The following TRPC5 variants were observed in gnomAD, a reference collection of about 807,000 sequenced individuals.
The protein encoded by TRPC5 is transient receptor potential cation channel subfamily C member 5.
TRPC5 carries 9 observed loss-of-function variants against 56.5 expected under a neutral mutation model. The observed-to-expected ratio is 0.16, with a 90% confidence interval of 0.10 to 0.28. The LOEUF is 0.28. TRPC5 is among the 10% of genes least tolerant of loss of function. The pLI is 1.00. For synonymous variants in TRPC5, 282 were observed against 278.5 expected, an observed-to-expected ratio of 1.01 and a Z score of -0.13; for missense variants, 469 against 748.9, an observed-to-expected ratio of 0.63 and a Z score of 4.36.
At chrX:112,036,660 G>A (rs1482852237) in intron 1 of TRPC5, among the ~76,000 whole-genome samples, 1 of 111,787 alleles carries the variant, frequency 8.9e-6, no homozygotes, top group Non-Finnish European at 1.9e-5. Context: ...TTTTGACAAG[G>A]TTGTGACAGT....
chrX:111,805,061 G>C (rs1271608808), intron 7 of TRPC5, among the ~76,000 whole-genome samples: 1 of 111,856 alleles, frequency 8.9e-6, no homozygotes, highest in African/African-American at 3.3e-5. Flanking sequence ...TAGCATGAAG[G>C]GCTGTTGAAT....
chrX:112,050,279 CTT>C (rs1452004489), intron 1 of TRPC5, among the ~76,000 whole-genome samples: 2 of 112,878 alleles, frequency 1.8e-5, no homozygotes, highest in African/African-American at 6.4e-5. Flanking sequence ...TCTTGTAACA[CTT>C]GTTAACATAC....
intron 2 of TRPC5, among the ~76,000 whole-genome samples, chrX:111,943,108 A>G (rs1269683376): frequency 1.8e-5 from 2 of 111,620 alleles, no homozygotes; most frequent in Non-Finnish European, 3.8e-5. Flanking sequence ...CTGTAATACT[A>G]TGAAATAGAC....
At chrX:111,881,299 C>T (rs1924207118) in intron 3 of TRPC5, among the ~76,000 whole-genome samples, 1 of 110,496 alleles carries the variant, frequency 9.1e-6, no homozygotes, top group African/African-American at 3.3e-5. Context: ...GCCTCAGCTT[C>T]CCGAGTAGCT....
intron 2 of TRPC5, among the ~76,000 whole-genome samples, chrX:111,950,135 T>C (rs759368920): frequency 6.3e-4 from 70 of 111,104 alleles, no homozygotes; most frequent in Non-Finnish European, 8.3e-4. Context: ...ACATCCTGGC[T>C]AACACAGTGA....
chrX:111,967,025 G>A (rs934284273), intron 1 of TRPC5, among the ~76,000 whole-genome samples: 2 of 111,379 alleles, frequency 1.8e-5, no homozygotes, highest in Non-Finnish European at 3.8e-5. Context: ...ATTAGGAAAA[G>A]AGGAAGTCAA....
intron 1 of TRPC5, among the ~76,000 whole-genome samples, chrX:112,063,808 T>C (rs770650348): frequency 8.9e-6 from 1 of 112,421 alleles, no homozygotes; most frequent in South Asian, 3.7e-4. Flanking sequence ...TTGGTTTTTT[T>C]TGAGACAGAG....
chrX:111,944,580 G>T (rs1176789326), intron 2 of TRPC5, among the ~76,000 whole-genome samples: 1 of 111,050 alleles, frequency 9.0e-6, no homozygotes, highest in Non-Finnish European at 1.9e-5. Context: ...TGGAAGAAGG[G>T]TCTTTGCAGA....
chrX:111,782,188 G>A (rs749139163), intron 7 of TRPC5, 50 bp from the exon 8 acceptor site: 7 of 1,069,754 alleles, frequency 6.5e-6, no homozygotes, highest in Non-Finnish European at 8.9e-6. Context: ...ACTGCACGAT[G>A]TACTCACTTC....
At chrX:111,843,588 A>G (rs1177094153) in intron 6 of TRPC5, among the ~76,000 whole-genome samples, 1 of 111,468 alleles carries the variant, frequency 9.0e-6, no homozygotes, top group Non-Finnish European at 1.9e-5. Context: ...CAAAATGTTG[A>G]CAAAGGAGGA....
At chrX:111,783,011 C>G (rs1316246263) in intron 7 of TRPC5, among the ~76,000 whole-genome samples, 3 of 111,864 alleles carry the variant, frequency 2.7e-5, no homozygotes, top group Non-Finnish European at 3.8e-5. Context: ...TTTTCTGTCC[C>G]TATAGTTTAC....
intron 1 of TRPC5, among the ~76,000 whole-genome samples, chrX:111,954,788 G>A (rs1406926395): frequency 8.9e-6 from 1 of 111,775 alleles, no homozygotes; most frequent in Non-Finnish European, 1.9e-5. Flanking sequence ...GTTGTGGGGG[G>A]AAGCAGAAGA....
In TRPC5 at chrX:111,854,221, C is replaced by T. The variant is rs1984205023; in HGVS notation, c.901-115G>A. 3 of 746,509 alleles carry T rather than the reference C, an allele frequency of 4.0e-6. No homozygotes were observed. In the South Asian group the frequency reaches 8.6e-5, roughly 22 times the overall value. The allele number at this position is 746,509 out of a possible 1,213,427, so 61.5% of individuals were successfully genotyped here. ...GGCAAGGAGTTACATGGCCAATCCC[C>T]AGAAGAGGCCTGTTTTCTAGGTGCC... is the stretch of plus-strand genomic sequence containing the variant. On this transcript the variant is annotated intron_variant, in intron 3 of 10. Coordinates refer to ENST00000262839, the MANE Select transcript of TRPC5 (RefSeq NM_012471.3).
chrX:111,787,682 G>A (rs971490485), intron 7 of TRPC5, among the ~76,000 whole-genome samples: 2 of 110,086 alleles, frequency 1.8e-5, no homozygotes, highest in African/African-American at 6.6e-5. Context: ...TAATAAAGAA[G>A]AAAAGAGAGA....
chrX:111,937,829 G>T (rs1235356953), intron 2 of TRPC5, among the ~76,000 whole-genome samples: 7 of 106,543 alleles, frequency 6.6e-5, no homozygotes. Context: ...GGCCATGCGG[G>T]CTCTTTTTTG....
intron 1 of TRPC5, among the ~76,000 whole-genome samples, chrX:111,955,428 G>T (rs1927205700): frequency 8.9e-6 from 1 of 112,084 alleles, no homozygotes; most frequent in African/African-American, 3.2e-5. Flanking sequence ...GCAATGTCTG[G>T]CTAAAAGAAT....
intron 9 of TRPC5, 93 bp from the exon 10 acceptor site, chrX:111,779,167 C>T: frequency 1.8e-6 from 1 of 562,459 alleles, no homozygotes. Flanking sequence ...ATGCTTAGAC[C>T]TTCTTTGCAG....
At chrX:111,974,698 C>A (rs1406190999) in intron 1 of TRPC5, among the ~76,000 whole-genome samples, 1 of 110,385 alleles carries the variant, frequency 9.1e-6, no homozygotes, top group Non-Finnish European at 1.9e-5. Context: ...TTTGGAGCTC[C>A]CCAAAGACCC....
intron 2 of TRPC5, among the ~76,000 whole-genome samples, chrX:111,915,372 C>G (rs1027856580): frequency 4.5e-5 from 5 of 111,705 alleles, no homozygotes; most frequent in South Asian, 3.8e-4. Flanking sequence ...CTACAGTGAC[C>G]AACCTTGCCC....
Sources: allele counts gnomAD v4.1 joint callset (sites outside exome capture counted in the v4.1 genomes callset), GRCh38; gene constraint gnomAD v4.1.1; transcripts MANE v1.5; gene names NCBI Gene and HGNC (gene_info 2026-07-23, HGNC 2026-07-21).